TTC28: variants seen among roughly 807,000 people sequenced by gnomAD.
TTC28 encodes tetratricopeptide repeat protein 28.
In TTC28, 61 loss-of-function variants were observed where a neutral mutation model predicts 198.0. The observed-to-expected ratio is 0.31, with a 90% CI of 0.25 to 0.38. TTC28 has a LOEUF of 0.38. Ranked by LOEUF, TTC28 falls within the 10% of genes least tolerant of loss-of-function variation. TTC28 has a pLI of 1.00. For synonymous variants in TTC28, 1,171 were observed against 1,297.8 expected (o/e 0.90, Z 2.10); for missense variants, 2,678 against 3,164.0 (o/e 0.85, Z 3.69).
At chr22:28,413,378 C>T (rs2047115857) in intron 2 of TTC28, among the ~76,000 whole-genome samples, 1 of 151,872 alleles carries the variant, frequency 6.6e-6, no homozygotes, top group Non-Finnish European at 1.5e-5. Flanking sequence ...GCGGGGCTTG[C>T]AGTGAGCCTA....
chr22:28,600,221 C>A (rs2050616468), intron 2 of TTC28, among the ~76,000 whole-genome samples: 1 of 151,636 alleles, frequency 6.6e-6, no homozygotes, highest in South Asian at 2.1e-4. Flanking sequence ...AGAGCGAGAC[C>A]CTATATCTAC....
intron 2 of TTC28, among the ~76,000 whole-genome samples, chr22:28,439,527 C>A (rs996199695): frequency 6.6e-6 from 1 of 152,124 alleles, no homozygotes; most frequent in African/African-American, 2.4e-5. Context: ...GTAAATAAGG[C>A]CTGGTCCAAT....
intron 2 of TTC28, among the ~76,000 whole-genome samples, chr22:28,537,737 A>C (rs1427067384): frequency 6.6e-6 from 1 of 152,268 alleles, no homozygotes; most frequent in East Asian, 1.9e-4. Context: ...AAAGCTGGTT[A>C]ACACTCTATT....
intron 12 of TTC28, among the ~76,000 whole-genome samples, chr22:28,084,431 C>T (rs1166526357): frequency 1.3e-5 from 2 of 152,206 alleles, no homozygotes; most frequent in Non-Finnish European, 2.9e-5. Context: ...TAAACTCCAA[C>T]AGACCTGCAG....
chr22:28,117,990 C>A (rs1034209557), intron 6 of TTC28, among the ~76,000 whole-genome samples: 1 of 152,032 alleles, frequency 6.6e-6, no homozygotes, highest in African/African-American at 2.4e-5. Flanking sequence ...GGACAAGTAC[C>A]CCATTTACCC....
chr22:28,592,343 C>T (rs1181454735), intron 2 of TTC28, among the ~76,000 whole-genome samples: 1 of 151,990 alleles, frequency 6.6e-6, no homozygotes, highest in Admixed American at 6.6e-5. Flanking sequence ...CAGAATGAGA[C>T]TTTGTTTCTA....
At chr22:28,532,524 A>G (rs527328902) in intron 2 of TTC28, among the ~76,000 whole-genome samples, 5 of 152,334 alleles carry the variant, frequency 3.3e-5, no homozygotes, top group African/African-American at 1.2e-4. Context: ...TCCAATCAAA[A>G]GAAAAAGAGG....
At chr22:28,519,118 T>C (rs551004113) in intron 2 of TTC28, among the ~76,000 whole-genome samples, 1 of 152,268 alleles carries the variant, frequency 6.6e-6, no homozygotes, top group African/African-American at 2.4e-5. Flanking sequence ...GGGAGAAGTG[T>C]AGCAGGAAGC....
Position 28,108,033 on chromosome 22 carries a change from G to C in TTC28, c.1812C>G (p.His604Gln). ...CCTGGACATACTCTCCCCGAGAGCA[G>C]TGGAAATTGCCCAGGTTGCTGAGGG... is the stretch of plus-strand genomic sequence containing the variant. ...ARALSNLGNF[H>Q]CSRGEYVQAA... The change falls in exon 7 of 23, where the codon CAC (histidine) becomes CAG (glutamine). Residue 604 changes from histidine to glutamine, a missense_variant. Transcript: ENST00000397906. 1.3e-6 allele frequency: 2 copies of C among 1,551,640 alleles called. No individual in the cohort carries two copies. The highest frequency in any genetic ancestry group is 1.7e-6 in the Non-Finnish European group (2 of 1,146,992).
intron 2 of TTC28, among the ~76,000 whole-genome samples, chr22:28,530,852 C>CAA (rs1239347204): frequency 6.6e-6 from 1 of 152,176 alleles, no homozygotes; most frequent in Admixed American, 6.5e-5. Flanking sequence ...TACAGACAAG[C>CAA]AAATGCTGAG....
intron 2 of TTC28, among the ~76,000 whole-genome samples, chr22:28,559,821 C>T (rs1222507138): frequency 6.6e-6 from 1 of 152,170 alleles, no homozygotes. Context: ...AAGACTCAGT[C>T]CTCAGTCTTC....
intron 2 of TTC28, among the ~76,000 whole-genome samples, chr22:28,328,007 A>T (rs185294513): frequency 5.1e-4 from 77 of 152,370 alleles, no homozygotes; most frequent in Non-Finnish European, 9.8e-4. Context: ...TGTCTACCTT[A>T]AAGCTCAATA....
In TTC28 at chr22:28,105,625, A is replaced by G. The variant is rs1355657618; in HGVS notation, c.2961T>C (p.Ala987=). The change falls in exon 8 of 23, where the codon GCT becomes GCC. Residue 987 remains alanine (A), a synonymous_variant. Coordinates refer to ENST00000397906, the MANE Select transcript of TTC28 (RefSeq NM_001145418.2). ...CCAGGGCTCGGTCTTTCATATCTCT[A>G]GCAATGTTCAGCTGGCGTTCAAGGC... ...ISCLERQLNI[A]RDMKDRALES... is the part of the protein sequence containing the mutation. 3.9e-6 allele frequency: 6 copies of G among 1,551,940 alleles called. No individual in the cohort carries two copies. The highest frequency in any genetic ancestry group is 1.2e-5 in the South Asian group (1 of 84,052).
intron 5 of TTC28, among the ~76,000 whole-genome samples, chr22:28,287,875 C>T (rs1346132159): frequency 6.6e-6 from 1 of 152,110 alleles, no homozygotes; most frequent in African/African-American, 2.4e-5. Flanking sequence ...AGGGTTAAAA[C>T]AGGGCTTCAC....
At chr22:28,386,998 C>A (rs527580698) in intron 2 of TTC28, among the ~76,000 whole-genome samples, 21 of 152,192 alleles carry the variant, frequency 1.4e-4, no homozygotes, top group Admixed American at 7.2e-4. Flanking sequence ...CCCCACTCCC[C>A]CACCCCCAAA....
chr22:27,987,799 G>T (rs1471760284), intron 21 of TTC28, among the ~76,000 whole-genome samples: 1 of 152,210 alleles, frequency 6.6e-6, no homozygotes. Context: ...TCTCACAGAA[G>T]TGACAAGAGA....
At chr22:28,150,317 A>G (rs1206237702) in intron 6 of TTC28, among the ~76,000 whole-genome samples, 1 of 152,322 alleles carries the variant, frequency 6.6e-6, no homozygotes, top group African/African-American at 2.4e-5. Flanking sequence ...AGAAACTTGG[A>G]ATCTTCATCT....
intron 13 of TTC28, among the ~76,000 whole-genome samples, chr22:28,028,613 G>A (rs958235960): frequency 6.6e-6 from 1 of 152,232 alleles, no homozygotes; most frequent in African/African-American, 2.4e-5. Context: ...AGGACTTGAG[G>A]TAGGAAGGGA....
intron 5 of TTC28, among the ~76,000 whole-genome samples, chr22:28,244,973 T>A (rs565555567): frequency 6.6e-6 from 1 of 152,298 alleles, no homozygotes; most frequent in South Asian, 2.1e-4. Flanking sequence ...GCTTGTGTCA[T>A]GCCTACAAGC....
Sources: allele counts gnomAD v4.1 joint callset (sites outside exome capture counted in the v4.1 genomes callset), GRCh38; gene constraint gnomAD v4.1.1; transcripts MANE v1.5; gene names NCBI Gene and HGNC (gene_info 2026-07-23, HGNC 2026-07-21).